SPAG9: variants seen among roughly 807,000 people sequenced by gnomAD.
SPAG9 encodes sperm associated antigen 9, also known as C-Jun-amino-terminal kinase-interacting protein 4.
Under a neutral mutation model 166.5 loss-of-function variants are expected in SPAG9, and 35 were observed. The ratio of observed to expected loss-of-function variants is 0.21; its 90% confidence interval spans 0.16 to 0.28. The LOEUF is 0.28. Ranked by LOEUF, SPAG9 falls within the 10% of genes least tolerant of loss-of-function variation. The probability of loss-of-function intolerance (pLI) is 1.00; values close to 1 mark genes in which losing one functional copy is unlikely to be tolerated. For missense variants in SPAG9, 1,235 were observed against 1,603.3 expected (o/e 0.77, Z 3.92); for synonymous variants, 534 against 565.5 (o/e 0.94, Z 0.79).
In SPAG9 at chr17:50,970,736, C is replaced by T; in HGVS notation, c.3821G>A (p.Gly1274Glu). ...TPLKSMLVIS[G>E]GEGYIDFRMG... ...TCGGAAGTCGATGTAGCCCTCTCCT[C>T]CACTGATGACAAGCATAGACTTCAA... The change falls in exon 29 of 30, where the codon GGA becomes GAA. Residue 1274 changes from glycine to glutamate, a missense_variant. Physicochemically the swap from Gly to Glu is moderately conservative, Grantham distance 98. Transcript: ENST00000262013. 6.2e-7 allele frequency: 1 copy of T among 1,614,102 alleles called. No homozygotes were observed. Among genetic ancestry groups the T allele is most frequent in the Non-Finnish European group, 8.5e-7 (1 of 1,180,006 alleles).
chr17:50,989,181 T>C (rs974296233), intron 21 of SPAG9, among the ~76,000 whole-genome samples: 3 of 152,248 alleles, frequency 2.0e-5, no homozygotes, highest in Non-Finnish European at 2.9e-5. Context: ...ATTATACTAC[T>C]ATATTTCTAC....
At chr17:50,994,583 C>T (rs192545830) in intron 18 of SPAG9, among the ~76,000 whole-genome samples, 1 of 152,186 alleles carries the variant, frequency 6.6e-6, no homozygotes, top group East Asian at 1.9e-4. Flanking sequence ...AAACCCTCGT[C>T]TCTACAAAAA....
chr17:51,091,215 G>A (rs781564677), intron 1 of SPAG9, among the ~76,000 whole-genome samples: 1 of 150,786 alleles, frequency 6.6e-6, no homozygotes, highest in Non-Finnish European at 1.5e-5. Flanking sequence ...AGAGGTTGCA[G>A]TGAGCTGAGA....
intron 5 of SPAG9, among the ~76,000 whole-genome samples, chr17:51,039,635 C>A (rs1171244357): frequency 6.6e-6 from 1 of 152,158 alleles, no homozygotes; most frequent in Non-Finnish European, 1.5e-5. Context: ...ACACGAGAAA[C>A]TCCTCTGCTT....
rs1364598168 is a variant in SPAG9 at position 51,041,538 on chromosome 17, T to C, written c.704A>G (p.Gln235Arg). The C allele has an allele frequency of 6.2e-7, 1 of 1,614,016 alleles. No homozygotes were observed. The highest frequency in any genetic ancestry group is 1.7e-4 in the Middle Eastern group (1 of 6,056). Residue 235 changes from glutamine to arginine, a missense_variant, in exon 5 of 30, where the codon CAG (glutamine) becomes CGG (arginine). Physicochemically the swap from Gln to Arg is conservative, Grantham distance 43 (BLOSUM62 1). Transcript: ENST00000262013. ...ETPGSEQWKF[Q>R]ELSQPRSHTS... ...ATGAGAACGTGGTTGACTTAATTCC[T>C]GAAATTTCCATTGCTCAGATCCAGG...
chr17:50,985,043 A>AC, intron 23 of SPAG9, 53 bp from the exon 24 acceptor site: 1 of 1,502,674 alleles, frequency 6.7e-7, no homozygotes, highest in East Asian at 2.3e-5. Flanking sequence ...TACAGAAGGG[A>AC]CCACATGCTA....
chr17:51,090,697 G>C (rs1368425698), intron 1 of SPAG9, among the ~76,000 whole-genome samples: 1 of 152,104 alleles, frequency 6.6e-6, no homozygotes, highest in Non-Finnish European at 1.5e-5. Flanking sequence ...ATTTACAAAA[G>C]ATCTTGCATA....
chr17:51,064,013 T>C (rs905298209), intron 2 of SPAG9, among the ~76,000 whole-genome samples: 7 of 152,158 alleles, frequency 4.6e-5, no homozygotes, highest in African/African-American at 1.2e-4. Context: ...AGACGTTAAG[T>C]ATTATCCTCT....
At chr17:51,018,576 T>A (rs1036334760) in intron 8 of SPAG9, among the ~76,000 whole-genome samples, 1 of 152,148 alleles carries the variant, frequency 6.6e-6, no homozygotes, top group Non-Finnish European at 1.5e-5. Flanking sequence ...TTAGCATATG[T>A]ACACATAAAA....
chr17:51,107,683 G>C (rs1188067273), intron 1 of SPAG9, among the ~76,000 whole-genome samples: 1 of 150,946 alleles, frequency 6.6e-6, no homozygotes, highest in Non-Finnish European at 1.5e-5. Flanking sequence ...GTTGCAGTGA[G>C]CCGAGATCAT....
At chr17:51,011,585 G>C (rs1370457621) in intron 9 of SPAG9, among the ~76,000 whole-genome samples, 1 of 152,060 alleles carries the variant, frequency 6.6e-6, no homozygotes, top group Non-Finnish European at 1.5e-5. Flanking sequence ...GTTTCACCAT[G>C]TTGGCCAGGC....
chr17:51,106,740 T>C (rs1423621403), intron 1 of SPAG9, among the ~76,000 whole-genome samples: 1 of 150,130 alleles, frequency 6.7e-6, no homozygotes, highest in African/African-American at 2.5e-5. Flanking sequence ...GAGGTTGCAG[T>C]GATCCAAGAT....
rs537457111 is a variant in SPAG9 at position 51,072,528 on chromosome 17, C to G, written c.424+7056G>C. On this transcript the variant is annotated intron_variant, in intron 2 of 29. Transcript: ENST00000262013. ...TGAAACTCCATCTCTACTAAAAATA[C>G]AAAAATTAGCCAGGTGTGGTGGCAC... Among the ~76,000 whole-genome samples the G allele has an allele frequency of 4.5e-3, 680 of 150,736 alleles. 3 individuals are homozygous for G. Among genetic ancestry groups the G allele is most frequent in the Non-Finnish European group, 7.3e-3 (491 of 67,652 alleles).
intron 1 of SPAG9, among the ~76,000 whole-genome samples, chr17:51,112,718 G>C (rs535365477): frequency 2.9e-5 from 4 of 140,044 alleles, no homozygotes; most frequent in African/African-American, 7.9e-5. Context: ...GGATCCACAA[G>C]GCAGGAGGAT....
chr17:51,076,194 G>A (rs1418126468), intron 2 of SPAG9, among the ~76,000 whole-genome samples: 1 of 152,066 alleles, frequency 6.6e-6, no homozygotes, highest in Non-Finnish European at 1.5e-5. Context: ...GGCCGAGGCG[G>A]GCGGACTGCT....
intron 18 of SPAG9, 74 bp downstream of exon 18, chr17:50,994,981 CCA>C: frequency 8.4e-7 from 1 of 1,190,176 alleles, no homozygotes; most frequent in Non-Finnish European, 1.2e-6. Flanking sequence ...GAAGCTGGAC[CCA>C]GAGGCAAATT....
chr17:50,992,483 C>T (rs1229615899), intron 19 of SPAG9, among the ~76,000 whole-genome samples: 1 of 152,040 alleles, frequency 6.6e-6, no homozygotes, highest in African/African-American at 2.4e-5. Flanking sequence ...CCAGCCTGGG[C>T]AACATGGTGA....
At chr17:51,061,068 G>A (rs1021039025) in intron 2 of SPAG9, among the ~76,000 whole-genome samples, 7 of 151,208 alleles carry the variant, frequency 4.6e-5, no homozygotes, top group Non-Finnish European at 7.4e-5. Context: ...GGATGGTCTC[G>A]ATCTCCTGAC....
chr17:51,009,084 C>A, intron 9 of SPAG9: 1 of 440,354 alleles, frequency 2.3e-6, no homozygotes, highest in South Asian at 1.7e-5. Context: ...GCCAAGAACA[C>A]CTAGCTTAAA....
Sources: gnomAD v4.1 joint callset for allele counts (sites outside exome capture counted in the v4.1 genomes callset) on GRCh38, gnomAD v4.1.1 for gene constraint, MANE v1.5 for transcripts, NCBI Gene and HGNC (gene_info 2026-07-23, HGNC 2026-07-21) for gene names.